The following MYT1L variants were observed in gnomAD, a reference collection of about 807,000 sequenced individuals.
The protein encoded by MYT1L is myelin transcription factor 1-like protein.
In MYT1L, 12 loss-of-function variants were observed where a neutral mutation model predicts 126.7. That is an observed-to-expected ratio of 0.09 (90% CI 0.06 to 0.15). The LOEUF is 0.15. Ranked by LOEUF, MYT1L falls within the 10% of genes least tolerant of loss-of-function variation. The pLI is 1.00. For missense variants in MYT1L, 979 were observed against 1,585.2 expected (o/e 0.62, Z 6.49); for synonymous variants, 541 against 604.2 (o/e 0.90, Z 1.53).
chr2:2,201,319 T>C (rs1479691936), intron 2 of MYT1L, among the ~76,000 whole-genome samples: 1 of 152,194 alleles, frequency 6.6e-6, no homozygotes, highest in Non-Finnish European at 1.5e-5. Flanking sequence ...CTCCTCATGG[T>C]CCAGCCAGTT....
chr2:1,955,569 T>C (rs755511332), intron 8 of MYT1L, among the ~76,000 whole-genome samples: 2 of 152,186 alleles, frequency 1.3e-5, no homozygotes, highest in East Asian at 1.9e-4. Context: ...TTGCTCCACA[T>C]AGATTTCCAA....
intron 3 of MYT1L, among the ~76,000 whole-genome samples, chr2:2,063,652 T>C (rs562942980): frequency 6.6e-6 from 1 of 152,316 alleles, no homozygotes; most frequent in African/African-American, 2.4e-5. Flanking sequence ...GAGACCAGCT[T>C]GGCCAACATG....
At chr2:2,097,290 A>G (rs1011421257) in intron 3 of MYT1L, among the ~76,000 whole-genome samples, 1 of 152,172 alleles carries the variant, frequency 6.6e-6, no homozygotes, top group African/African-American at 2.4e-5. Flanking sequence ...TGTGATCACC[A>G]TCAGGACTGC....
At chr2:1,909,405 C>T (rs763297476) in intron 13 of MYT1L, among the ~76,000 whole-genome samples, 3 of 152,278 alleles carry the variant, frequency 2.0e-5, no homozygotes, top group Non-Finnish European at 4.4e-5. Context: ...GTAGAATATA[C>T]GTAGCTGTGA....
intron 3 of MYT1L, among the ~76,000 whole-genome samples, chr2:2,143,702 C>A (rs2084393832): frequency 6.6e-6 from 1 of 151,978 alleles, no homozygotes; most frequent in Admixed American, 6.6e-5. Flanking sequence ...GGGATGGGCA[C>A]AGCTAAAGAA....
chr2:1,870,786 T>C (rs900676286), intron 18 of MYT1L, among the ~76,000 whole-genome samples: 1 of 152,254 alleles, frequency 6.6e-6, no homozygotes. Flanking sequence ...GTTGAAATCT[T>C]GTCTCTGTGA....
At chr2:2,123,275 GA>G (rs1247052451) in intron 3 of MYT1L, among the ~76,000 whole-genome samples, 1 of 152,160 alleles carries the variant, frequency 6.6e-6, no homozygotes, top group African/African-American at 2.4e-5. Context: ...CTTCTTTCCA[GA>G]AAAGAAATCC....
At chr2:2,092,532 G>C (rs749732038) in intron 3 of MYT1L, among the ~76,000 whole-genome samples, 4 of 152,210 alleles carry the variant, frequency 2.6e-5, no homozygotes, top group Non-Finnish European at 5.9e-5. Context: ...AGCAAGTGCT[G>C]TTGGAAAAAA....
intron 3 of MYT1L, among the ~76,000 whole-genome samples, chr2:2,113,636 C>T (rs1200409627): frequency 1.3e-5 from 2 of 152,232 alleles, no homozygotes. Context: ...GCTCAAAGAT[C>T]TGTTTTAACT....
chr2:1,850,621 A>C (rs536261187), intron 19 of MYT1L, among the ~76,000 whole-genome samples: 1 of 152,258 alleles, frequency 6.6e-6, no homozygotes, highest in East Asian at 1.9e-4. Flanking sequence ...AATGCACCCG[A>C]CCTTGGCTTC....
At chr2:2,148,775 C>G (rs2085280296) in intron 3 of MYT1L, among the ~76,000 whole-genome samples, 1 of 152,180 alleles carries the variant, frequency 6.6e-6, no homozygotes, top group Non-Finnish European at 1.5e-5. Flanking sequence ...GGATTCTTAA[C>G]ACTTTTAGTA....
chr2:2,001,828 C>T (rs1159134470), intron 4 of MYT1L, among the ~76,000 whole-genome samples: 1 of 152,198 alleles, frequency 6.6e-6, no homozygotes, highest in African/African-American at 2.4e-5. Context: ...TCGTTCCAAC[C>T]TGGTACCCCG....
At chr2:2,306,003 T>C (rs2095852335) in intron 1 of MYT1L, 2 of 152,230 alleles carry the variant, frequency 1.3e-5, no homozygotes, top group African/African-American at 4.8e-5. Flanking sequence ...TCCCACTTAA[T>C]GTCAATGACC....
At chr2:2,109,602 T>C (rs2079136058) in intron 3 of MYT1L, among the ~76,000 whole-genome samples, 1 of 152,034 alleles carries the variant, frequency 6.6e-6, no homozygotes, top group Admixed American at 6.6e-5. Context: ...TTAAGTTATG[T>C]CCTAGTCAAT....
chr2:2,134,452 C>G (rs1051981342), intron 3 of MYT1L, among the ~76,000 whole-genome samples: 31 of 152,164 alleles, frequency 2.0e-4, no homozygotes, highest in Non-Finnish European at 3.7e-4. Flanking sequence ...ATACATGCTG[C>G]TATTAACAGA....
intron 1 of MYT1L, among the ~76,000 whole-genome samples, chr2:2,318,764 T>G (rs1036724242): frequency 6.6e-6 from 1 of 152,190 alleles, no homozygotes; most frequent in African/African-American, 2.4e-5. Context: ...AAGATTTTAT[T>G]TCCTATTATA....
chr2:1,896,235 G>A (rs2049547925), intron 14 of MYT1L, among the ~76,000 whole-genome samples: 1 of 152,134 alleles, frequency 6.6e-6, no homozygotes, highest in Non-Finnish European at 1.5e-5. Context: ...ATACATTCTT[G>A]GTGGAAATGC....
chr2:2,243,562 T>C (rs1209210463), intron 2 of MYT1L, among the ~76,000 whole-genome samples: 1 of 152,182 alleles, frequency 6.6e-6, no homozygotes, highest in Non-Finnish European at 1.5e-5. Context: ...TAATGTAGAA[T>C]AGAGTAGACT....
intron 3 of MYT1L, among the ~76,000 whole-genome samples, chr2:2,075,507 G>C (rs1183868092): frequency 6.6e-6 from 1 of 152,184 alleles, no homozygotes; most frequent in Non-Finnish European, 1.5e-5. Flanking sequence ...CTGGTAGGGA[G>C]GTGGAAGACT....
Sources: allele counts gnomAD v4.1 joint callset (sites outside exome capture counted in the v4.1 genomes callset), GRCh38; gene constraint gnomAD v4.1.1; transcripts MANE v1.5; gene names NCBI Gene and HGNC (gene_info 2026-07-23, HGNC 2026-07-21).